DSC1: variants seen among roughly 807,000 people sequenced by gnomAD.
The protein encoded by DSC1 is desmocollin-1.
Under a neutral mutation model 98.8 loss-of-function variants are expected in DSC1, and 79 were observed. The ratio of observed to expected loss-of-function variants is 0.80; its 90% CI spans 0.67 to 0.96. The LOEUF is 0.96. Ranked by LOEUF, DSC1 falls within the 50% of genes least tolerant of loss-of-function variation. The pLI is 0.00. For synonymous variants in DSC1, 405 were observed against 372.1 expected (o/e 1.09, Z -1.02); for missense variants, 1,115 against 1,075.9 (o/e 1.04, Z -0.51).
chr18:31,132,723 A>G (rs1992143), intron 13 of DSC1, 34 bp from the exon 14 acceptor site: 193,985 of 1,577,036 alleles, frequency 0.12, 15,386 homozygotes, highest in East Asian at 0.43. Context: ...TAAAACACAG[A>G]CATTAAATCA....
chr18:31,133,998 G>A lies in DSC1; in HGVS notation c.2009C>T (p.Pro670Leu). 1.2e-6 allele frequency: 2 copies of A among 1,613,314 alleles called. No homozygotes were observed. The highest frequency in any genetic ancestry group is 1.7e-6 in the Non-Finnish European group (2 of 1,179,654). Residue 670 changes from proline to leucine, a missense_variant, in exon 13 of 16, where the codon CCA (proline) becomes CTA (leucine). By Grantham distance (98) the Pro-to-Leu change is moderately conservative. Coordinates refer to ENST00000257198, the MANE Select transcript of DSC1 (RefSeq NM_024421.2). The part of the protein sequence containing the change: ...LTVRVCDCST[P>L]SECRMKDKST... ...TTTATCCTTCATTCTACACTCAGAT[G>A]GAGTTGAACAGTCACATACTCTCAC... is the stretch of plus-strand genomic sequence containing the variant.
chr18:31,149,650 C>T (rs757277134), intron 5 of DSC1, among the ~76,000 whole-genome samples: 1 of 152,156 alleles, frequency 6.6e-6, no homozygotes, highest in African/African-American at 2.4e-5. Flanking sequence ...TTGTGCTTTA[C>T]AATTTTAACC....
Position 31,162,563 on chromosome 18 carries a change from A to G in DSC1, c.32T>C (p.Ile11Thr), listed in dbSNP as rs770733214. 6.2e-7 allele frequency: 1 copy of G among 1,614,134 alleles called. No homozygotes were observed. Among genetic ancestry groups the G allele is most frequent in the Non-Finnish European group, 8.5e-7 (1 of 1,180,014 alleles). The change falls in exon 1 of 16, where the codon ATC becomes ACC. Residue 11 changes from isoleucine (I) to threonine (T), a missense_variant. By Grantham distance (89) the Ile-to-Thr change is moderately conservative. Transcript: ENST00000257198. ...AGAGAAAAGGAGCTGCTTACAGAAG[A>G]TGCTCCCTGGGGCAGCAGAGGCCAG... MALASAAPGS[I>T]FCKQLLFSLL...
At chr18:31,151,526 A>G (rs1399442498) in intron 5 of DSC1, among the ~76,000 whole-genome samples, 1 of 152,236 alleles carries the variant, frequency 6.6e-6, no homozygotes, top group African/African-American at 2.4e-5. Context: ...AATTTAGAAT[A>G]TTATTAGTTG....
intron 11 of DSC1, among the ~76,000 whole-genome samples, chr18:31,136,030 C>T (rs1171745374): frequency 2.6e-5 from 4 of 151,880 alleles, no homozygotes; most frequent in African/African-American, 9.7e-5. Context: ...TATTCAGTGA[C>T]TTTTAAACTA....
intron 14 of DSC1, 102 bp downstream of exon 14, chr18:31,132,466 G>A (rs1988515130): frequency 3.4e-6 from 5 of 1,476,932 alleles, no homozygotes; most frequent in Non-Finnish European, 4.6e-6. Flanking sequence ...AGCATAGTAA[G>A]TGCTCAATAA....
Position 31,147,544 on chromosome 18 carries a change from G to A in DSC1, c.772+954C>T, listed in dbSNP as rs1270711279. On this transcript the variant is annotated intron_variant, in intron 6 of 15. Transcript: ENST00000257198. ...CGTTTTATGTAGTATATCCTTGAAA[G>A]TCAAGCATTTAAAAATGTTCTACAT... Among the ~76,000 whole-genome samples, 5 of 152,020 alleles carry A rather than the reference G, an allele frequency of 3.3e-5. No individual in the cohort carries two copies. In the East Asian group the frequency reaches 9.6e-4, roughly 29 times the overall value.
At chr18:31,147,581 A>G (rs1988873036) in intron 6 of DSC1, among the ~76,000 whole-genome samples, 2 of 152,100 alleles carry the variant, frequency 1.3e-5, no homozygotes, top group Admixed American at 1.3e-4. Context: ...ATTGTGTTTA[A>G]AATATTAATA....
At chr18:31,150,257 A>G (rs1236593961) in intron 5 of DSC1, among the ~76,000 whole-genome samples, 3 of 136,118 alleles carry the variant, frequency 2.2e-5, no homozygotes, top group South Asian at 2.4e-4. Context: ...TACCACCACC[A>G]CCATCATCAT....
chr18:31,139,680 T>A lies in DSC1; in HGVS notation c.1663+68A>T, dbSNP rs1988686921. The A allele has an allele frequency of 1.7e-5, 24 of 1,407,458 alleles. No homozygotes were observed. In the South Asian group the frequency reaches 2.3e-4, roughly 14 times the overall value. 87.2% of individuals were successfully genotyped at this position (1,407,458 alleles called of 1,614,324 possible). A position where few individuals can be genotyped will look rare whatever the true frequency, so the allele number is the denominator to read the frequency against. The stretch of plus-strand genomic sequence containing the variant: ...TATGTTTTGTCTAGAAATAAACAGA[T>A]TTCACCACAAGGTTTCCTTAAAAAC... On this transcript the variant is annotated intron_variant, in intron 11 of 15. Coordinates refer to ENST00000257198, the MANE Select transcript of DSC1 (RefSeq NM_024421.2).
chr18:31,150,064 T>C (rs200179061), intron 5 of DSC1, among the ~76,000 whole-genome samples: 175 of 112,730 alleles, frequency 1.6e-3, no homozygotes, highest in Non-Finnish European at 2.4e-3. Context: ...ACCACCACCA[T>C]CATCACCACC....
chr18:31,131,701 C>T lies in DSC1; in HGVS notation c.2380G>A (p.Gly794Arg). 6.2e-7 allele frequency: 1 copy of T among 1,614,118 alleles called. No homozygotes were observed. Among genetic ancestry groups the T allele is most frequent in the Non-Finnish European group, 8.5e-7 (1 of 1,179,986 alleles). The change falls in exon 15 of 16, where the codon GGA becomes AGA. Residue 794 changes from glycine to arginine, a missense_variant. By Grantham distance (125) the Gly-to-Arg change is moderately radical (BLOSUM62 -2). Transcript: ENST00000257198. ...KGGYTLDSNK[G>R]GGHQTLESVK... ...GACTCCAAGGTCTGATGTCCACCTC[C>T]TTTGTTGGAATCCAAAGTGTAGCCT...
Position 31,156,072 on chromosome 18 carries a change from A to G in DSC1, c.442T>C (p.Leu148=). The G allele has an allele frequency of 6.2e-7, 1 of 1,614,126 alleles. No homozygotes were observed. ...TGAACGTGTTGTGGAAATGGACCCA[A>G]CGAGTTCTCCATCAATGAAGCTGGA... ...PIPASLMENS[L]GPFPQHVQQI... Residue 148 remains leucine, a synonymous_variant, in exon 4 of 16, where the codon TTG becomes CTG. Transcript: ENST00000257198.
chr18:31,150,434 C>T (rs1988974815), intron 5 of DSC1, among the ~76,000 whole-genome samples: 1 of 128,692 alleles, frequency 7.8e-6, no homozygotes. Flanking sequence ...ACCACTATTA[C>T]CATCACCACC....
At chr18:31,161,890 A>C (rs1183887715) in intron 1 of DSC1, among the ~76,000 whole-genome samples, 1 of 152,136 alleles carries the variant, frequency 6.6e-6, no homozygotes. Flanking sequence ...TAGGAAACTC[A>C]CACCTCAGAA....
intron 2 of DSC1, among the ~76,000 whole-genome samples, 156 bp downstream of exon 2, chr18:31,159,289 A>G (rs1455625395): frequency 1.3e-5 from 2 of 149,320 alleles, no homozygotes; most frequent in Non-Finnish European, 3.0e-5. Context: ...TCCTGACCTC[A>G]TGATCCACCC....
In DSC1 at chr18:31,159,541, A is replaced by AAG. The variant is rs1252211671; in HGVS notation, c.64-13_64-12insCT. The AAG allele has an allele frequency of 6.3e-6, 10 of 1,585,852 alleles. No individual in the cohort carries two copies. The highest frequency in any genetic ancestry group is 5.7e-5 in the Admixed American group (3 of 52,328). On this transcript the variant is annotated splice_polypyrimidine_tract_variant and intron_variant, in intron 1 of 15. Coordinates refer to ENST00000257198, the MANE Select transcript of DSC1 (RefSeq NM_024421.2). ...AGTAATGTTAAAACCTCAAAAAAAAAAAAAGAAAAAATATCAGGAATTAAA... is the reference window on the plus strand; with the variant it reads ...AGTAATGTTAAAACCTCAAAAAAAAAAGAAAAGAAAAAATATCAGGAATTAAA...
chr18:31,138,633 G>T (rs1988663080), intron 11 of DSC1, among the ~76,000 whole-genome samples: 1 of 151,294 alleles, frequency 6.6e-6, no homozygotes. Flanking sequence ...AAAAAACAAA[G>T]GGACAAATAA....
chr18:31,159,657 T>G (rs937347486), intron 1 of DSC1, 128 bp from the exon 2 acceptor site: 1 of 876,862 alleles, frequency 1.1e-6, no homozygotes, highest in Non-Finnish European at 1.7e-6. Flanking sequence ...TTCTTTACAT[T>G]TTTAATACTC....
Sources: allele counts gnomAD v4.1 joint callset (sites outside exome capture counted in the v4.1 genomes callset), GRCh38; gene constraint gnomAD v4.1.1; transcripts MANE v1.5; gene names NCBI Gene and HGNC (gene_info 2026-07-23, HGNC 2026-07-21).